Variants in SYT1 observed in about 807,000 individuals in gnomAD.
SYT1 encodes synaptotagmin-1.
Under a neutral mutation model 44.8 loss-of-function variants are expected in SYT1, and 8 were observed. That is an observed-to-expected ratio of 0.18 (90% CI 0.10 to 0.32). The LOEUF (loss-of-function observed/expected upper bound fraction) is 0.32, where lower values mean the gene tolerates loss of function less well. Ranked by LOEUF, SYT1 falls within the 10% of genes least tolerant of loss-of-function variation. The probability of loss-of-function intolerance (pLI) is 1.00; values close to 1 mark genes in which losing one functional copy is unlikely to be tolerated. For missense variants in SYT1, 286 were observed against 509.3 expected (o/e 0.56, Z 4.22); for synonymous variants, 154 against 188.8 (o/e 0.82, Z 1.51).
chr12:78,996,198 AGT>A (rs1870371784), intron 2 of SYT1, among the ~76,000 whole-genome samples: 1 of 152,200 alleles, frequency 6.6e-6, no homozygotes, highest in African/African-American at 2.4e-5. Context: ...TCGCTACCTC[AGT>A]GCATTAAGTA....
intron 3 of SYT1, among the ~76,000 whole-genome samples, chr12:79,125,969 C>T (rs1360340149): frequency 6.6e-6 from 1 of 152,068 alleles, no homozygotes; most frequent in African/African-American, 2.4e-5. Context: ...TATTTAGTGT[C>T]GTTCTCAGTC....
chr12:79,148,387 A>G (rs1870056939), intron 3 of SYT1, among the ~76,000 whole-genome samples: 1 of 152,146 alleles, frequency 6.6e-6, no homozygotes, highest in Non-Finnish European at 1.5e-5. Flanking sequence ...GTAAAATTGT[A>G]CAAAACTAAT....
chr12:79,359,272 G>A (rs148055987), intron 9 of SYT1, among the ~76,000 whole-genome samples: 1 of 152,172 alleles, frequency 6.6e-6, no homozygotes, highest in African/African-American at 2.4e-5. Context: ...AGCTATTCCA[G>A]CAGCCTCCTG....
intron 3 of SYT1, among the ~76,000 whole-genome samples, chr12:79,054,589 A>G (rs566499791): frequency 2.0e-5 from 3 of 152,024 alleles, no homozygotes; most frequent in Admixed American, 6.6e-5. Context: ...AAACTTTGGT[A>G]CAACTTTGGA....
chr12:79,026,441 T>G (rs1030636657), intron 2 of SYT1, among the ~76,000 whole-genome samples: 1 of 151,236 alleles, frequency 6.6e-6, no homozygotes, highest in Non-Finnish European at 1.5e-5. Context: ...TTTAACATGT[T>G]CTTTCTTGAT....
In SYT1 at chr12:79,382,216, A is replaced by T. The variant is rs73354742; in HGVS notation, c.928+28597A>T. Among the ~76,000 whole-genome samples the T allele has an allele frequency of 4.5e-3, 686 of 152,258 alleles. 7 individuals carry two copies. Among genetic ancestry groups the T allele is most frequent in the African/African-American group, 0.016 (655 of 41,556 alleles). ...AAGAGACTTCTCAGGTTGAAGTGGA[A>T]GGCATTTCTTGAAAATATGATGCCT... On this transcript the variant is annotated intron_variant, in intron 9 of 10. Coordinates refer to ENST00000261205, the MANE Select transcript of SYT1 (RefSeq NM_005639.3).
rs1882994259 is a variant in SYT1 at position 79,353,561 on chromosome 12, G to A, written c.870G>A (p.Leu290=). 1 of 1,614,162 alleles carries A rather than the reference G, an allele frequency of 6.2e-7. No individual in the cohort carries two copies. The highest frequency in any genetic ancestry group is 1.3e-5 in the African/African-American group (1 of 75,066). The change falls in exon 9 of 11, where the codon CTG becomes CTA. Residue 290 remains leucine (L), a synonymous_variant. Coordinates refer to ENST00000261205, the MANE Select transcript of SYT1 (RefSeq NM_005639.3). The part of the protein sequence containing the change: ...SLRYVPTAGK[L]TVVILEAKNL... ...GCTACGTACCTACTGCTGGTAAGCT[G>A]ACTGTTGTCATTCTGGAGGCAAAGA...
chr12:79,419,252 G>A (rs1480424926), intron 9 of SYT1: 1 of 524,100 alleles, frequency 1.9e-6, no homozygotes, highest in East Asian at 5.5e-5. Flanking sequence ...AAAAATGTGA[G>A]GTGTAGAAAG....
chr12:78,995,417 T>C (rs1396968744), intron 2 of SYT1, among the ~76,000 whole-genome samples: 2 of 152,202 alleles, frequency 1.3e-5, no homozygotes, highest in Non-Finnish European at 2.9e-5. Context: ...ATAATGGTCT[T>C]GAAGTCACTT....
At chr12:78,869,644 A>G (rs1226317141) in intron 1 of SYT1, among the ~76,000 whole-genome samples, 1 of 152,044 alleles carries the variant, frequency 6.6e-6, no homozygotes, top group Non-Finnish European at 1.5e-5. Flanking sequence ...AGAGTTTCAA[A>G]AGAAATTAAA....
At chr12:78,957,685 C>T (rs1383865928) in intron 1 of SYT1, among the ~76,000 whole-genome samples, 2 of 152,084 alleles carry the variant, frequency 1.3e-5, no homozygotes, top group Non-Finnish European at 2.9e-5. Context: ...TGAATCACTA[C>T]ATGGTTTTTG....
chr12:79,181,828 A>T (rs1398232796), intron 3 of SYT1, among the ~76,000 whole-genome samples: 2 of 151,994 alleles, frequency 1.3e-5, no homozygotes, highest in African/African-American at 2.4e-5. Context: ...ACAACATCCC[A>T]TTGTGTTCCT....
intron 8 of SYT1, among the ~76,000 whole-genome samples, chr12:79,345,512 TAC>T (rs1882570054): frequency 6.6e-6 from 1 of 152,210 alleles, no homozygotes; most frequent in African/African-American, 2.4e-5. Flanking sequence ...ACCAATGAGT[TAC>T]AGAGTATGCC....
At chr12:79,351,654 A>T (rs1171688035) in intron 8 of SYT1, among the ~76,000 whole-genome samples, 4 of 152,096 alleles carry the variant, frequency 2.6e-5, no homozygotes, top group Non-Finnish European at 4.4e-5. Context: ...ATTAATTTCC[A>T]TGATATTGTC....
chr12:79,265,465 G>C (rs1592912380), intron 4 of SYT1, among the ~76,000 whole-genome samples: 3 of 152,106 alleles, frequency 2.0e-5, no homozygotes, highest in Middle Eastern at 6.8e-3. Flanking sequence ...TTTAAATTAA[G>C]CCTGATAGTA....
chr12:79,227,715 T>C (rs569562901), intron 4 of SYT1, among the ~76,000 whole-genome samples: 1 of 152,292 alleles, frequency 6.6e-6, no homozygotes, highest in Admixed American at 6.5e-5. Flanking sequence ...TCCTCCTATA[T>C]AAAATGGGGA....
chr12:79,283,973 A>G (rs1879178790), intron 4 of SYT1, among the ~76,000 whole-genome samples: 1 of 151,970 alleles, frequency 6.6e-6, no homozygotes, highest in African/African-American at 2.4e-5. Context: ...GATTTTCTCA[A>G]TTTTGAAGAG....
chr12:79,376,491 G>T (rs1231024144), intron 9 of SYT1, among the ~76,000 whole-genome samples: 1 of 152,174 alleles, frequency 6.6e-6, no homozygotes, highest in Non-Finnish European at 1.5e-5. Context: ...TTTGGTTTTG[G>T]TGGGTTTGGC....
At chr12:78,870,367 A>G (rs1873755987) in intron 1 of SYT1, among the ~76,000 whole-genome samples, 1 of 152,102 alleles carries the variant, frequency 6.6e-6, no homozygotes, top group African/African-American at 2.4e-5. Flanking sequence ...TACTTGTGAA[A>G]TATAGCTTTA....
Sources: gnomAD v4.1 joint callset for allele counts (sites outside exome capture counted in the v4.1 genomes callset) on GRCh38, gnomAD v4.1.1 for gene constraint, MANE v1.5 for transcripts, NCBI Gene and HGNC (gene_info 2026-07-23, HGNC 2026-07-21) for gene names.